Variants in C4orf17 observed in about 807,000 individuals in gnomAD.
The protein encoded by C4orf17 is uncharacterized protein C4orf17.
C4orf17 carries 25 observed loss-of-function variants against 32.0 expected under a neutral mutation model. The ratio of observed to expected loss-of-function variants is 0.78; its 90% CI spans 0.57 to 1.09. The LOEUF is 1.09. Among genes scored for constraint, C4orf17 ranks in the 50% least tolerant of loss-of-function variants. C4orf17 has a pLI of 0.00. For missense variants in C4orf17, 420 were observed against 420.0 expected, an observed-to-expected ratio of 1.00 and a Z score of 0.00; for synonymous variants, 149 against 145.8, an observed-to-expected ratio of 1.02 and a Z score of -0.16.
intron 3 of C4orf17, among the ~76,000 whole-genome samples, chr4:99,524,032 T>C (rs981730679): frequency 6.9e-6 from 1 of 145,504 alleles, no homozygotes; most frequent in Non-Finnish European, 1.5e-5. Context: ...CAGCCTGGAG[T>C]GCAGTGGTGC....
Position 99,524,567 on chromosome 4 carries a change from T to G in C4orf17, c.384T>G (p.Asn128Lys), listed in dbSNP as rs201281305. 8.7e-6 allele frequency: 14 copies of G among 1,602,026 alleles called. 1 individual carries two copies. The highest frequency in any genetic ancestry group is 1.2e-5 in the Non-Finnish European group (14 of 1,170,626). The change falls in exon 4 of 9, where the codon AAT becomes AAG. Residue 128 changes from asparagine (N) to lysine (K), a missense_variant. Coordinates refer to ENST00000326581, the MANE Select transcript of C4orf17 (RefSeq NM_032149.3). ...IKECFKTSSE[N>K]PLVIKKEEIK... The stretch of plus-strand genomic sequence containing the variant: ...AGTGCTTCAAAACTTCCAGTGAGAA[T>G]CCCTTAGTAATTAAAAAGGTAAGGA...
At chr4:99,514,850 C>T (rs1011263235) in intron 2 of C4orf17, among the ~76,000 whole-genome samples, 1 of 152,126 alleles carries the variant, frequency 6.6e-6, no homozygotes, top group African/African-American at 2.4e-5. Flanking sequence ...GATATGGAAC[C>T]AACCTAAGTG....
intron 5 of C4orf17, chr4:99,535,960 A>AGT: frequency 2.2e-6 from 1 of 448,932 alleles, no homozygotes. Flanking sequence ...TTTTCTTCTA[A>AGT]CAGGCCACTC....
chr4:99,512,530 C>T (rs543093844), intron 1 of C4orf17, among the ~76,000 whole-genome samples: 9 of 151,902 alleles, frequency 5.9e-5, no homozygotes, highest in African/African-American at 9.7e-5. Flanking sequence ...CCATTCTCTC[C>T]GAAGATGATA....
intron 2 of C4orf17, among the ~76,000 whole-genome samples, chr4:99,520,694 A>G (rs1277915457): frequency 6.6e-6 from 1 of 152,232 alleles, no homozygotes; most frequent in Non-Finnish European, 1.5e-5. Flanking sequence ...CTGCCTTAGA[A>G]ATCTAGCAAA....
At chr4:99,534,319 T>C (rs1232212730) in intron 5 of C4orf17, among the ~76,000 whole-genome samples, 1 of 152,226 alleles carries the variant, frequency 6.6e-6, no homozygotes, top group Non-Finnish European at 1.5e-5. Flanking sequence ...ATGATCTTTT[T>C]TCATGGCTGC....
At chr4:99,536,614 C>T (rs539160505) in intron 5 of C4orf17, among the ~76,000 whole-genome samples, 66 of 152,298 alleles carry the variant, frequency 4.3e-4, no homozygotes, top group African/African-American at 1.5e-3. Context: ...CACAGATATG[C>T]TGGCTGCCCC....
At chr4:99,533,270 A>G (rs1415715908) in intron 5 of C4orf17, among the ~76,000 whole-genome samples, 1 of 152,148 alleles carries the variant, frequency 6.6e-6, no homozygotes, top group South Asian at 2.1e-4. Context: ...ATTTGGGGAG[A>G]TAAGGGGTGA....
chr4:99,522,665 C>T lies in C4orf17; in HGVS notation c.293C>T (p.Ser98Leu), dbSNP rs774774436. Residue 98 changes from serine to leucine, a missense_variant, in exon 3 of 9, where the codon TCG becomes TTG. Ser to Leu is a moderately radical substitution (Grantham distance 145). Transcript: ENST00000326581. ...AVQESPVRGM[S>L]PAPNGAKVPP... ...CAGGAGAGCCCTGTAAGAGGAATGT[C>T]GCCAGCCCCAAACGGTGCCAAAGTG... 6.2e-6 allele frequency: 10 copies of T among 1,613,988 alleles called. No homozygotes were observed. In the Middle Eastern group the frequency reaches 6.7e-4, roughly 107 times the overall value.
At chr4:99,527,076 C>T (rs908379907) in intron 4 of C4orf17, among the ~76,000 whole-genome samples, 1 of 152,062 alleles carries the variant, frequency 6.6e-6, no homozygotes, top group African/African-American at 2.4e-5. Context: ...CTGCATCCCC[C>T]AATTTTACTG....
intron 5 of C4orf17, among the ~76,000 whole-genome samples, chr4:99,536,347 C>T (rs1032723134): frequency 3.3e-5 from 5 of 152,174 alleles, no homozygotes; most frequent in Non-Finnish European, 7.4e-5. Flanking sequence ...AATGCAGAGA[C>T]AACAGCTGCC....
intron 7 of C4orf17, among the ~76,000 whole-genome samples, chr4:99,539,644 G>T (rs1321631898): frequency 1.3e-5 from 2 of 152,128 alleles, no homozygotes. Flanking sequence ...TAAGGGAAAA[G>T]CAAGAGTGGC....
chr4:99,522,594 C>G lies in C4orf17; in HGVS notation c.222C>G (p.Asn74Lys). 6.2e-7 allele frequency: 1 copy of G among 1,613,806 alleles called. No individual in the cohort carries two copies. The highest frequency in any genetic ancestry group is 2.2e-5 in the East Asian group (1 of 44,854). The change falls in exon 3 of 9, where the codon AAC becomes AAG. Residue 74 changes from asparagine to lysine, a missense_variant. Asn to Lys is a moderately conservative substitution (Grantham distance 94, BLOSUM62 0). Coordinates refer to ENST00000326581, the MANE Select transcript of C4orf17 (RefSeq NM_032149.3). ...GVGQSNYLEK[N>K]RIPFANCSYP... ...GCCAGTCTAACTACTTAGAGAAGAA[C>G]AGGATACCATTTGCCAATTGCAGTT...
At chr4:99,512,228 AT>A (rs1317421432) in intron 1 of C4orf17, among the ~76,000 whole-genome samples, 69 of 152,352 alleles carry the variant, frequency 4.5e-4, no homozygotes, top group African/African-American at 1.7e-3. Flanking sequence ...GATAGAAAAA[AT>A]ACAACAAGCA....
chr4:99,515,930 T>A (rs1723173561), intron 2 of C4orf17, among the ~76,000 whole-genome samples: 1 of 152,244 alleles, frequency 6.6e-6, no homozygotes, highest in Admixed American at 6.5e-5. Flanking sequence ...CCTGCTATGA[T>A]CTTGGCAGCA....
chr4:99,513,085 A>T lies in C4orf17; in HGVS notation c.4A>T (p.Asn2Tyr). MNLNPPTSALQI... is the reference protein window; with the variant it reads MYLNPPTSALQI... Reference sequence around the variant, plus strand: ...GGAAAATAAACACACCACAAACATGAACCTCAACCCCCCGACATCTGCTCT... The same window carrying T: ...GGAAAATAAACACACCACAAACATGTACCTCAACCCCCCGACATCTGCTCT... The change falls in exon 2 of 9, where the codon AAC becomes TAC. Residue 2 changes from asparagine (N) to tyrosine (Y), a missense_variant. By Grantham distance (143) the Asn-to-Tyr change is moderately radical. Coordinates refer to ENST00000326581, the MANE Select transcript of C4orf17 (RefSeq NM_032149.3). 6.2e-7 allele frequency: 1 copy of T among 1,613,776 alleles called. No individual in the cohort carries two copies. The highest frequency in any genetic ancestry group is 1.7e-4 in the Middle Eastern group (1 of 6,050).
intron 6 of C4orf17, among the ~76,000 whole-genome samples, chr4:99,538,441 T>C (rs1723594949): frequency 2.0e-5 from 3 of 152,204 alleles, no homozygotes; most frequent in Admixed American, 2.0e-4. Flanking sequence ...TGAGAATCAC[T>C]GCACTGATCA....
intron 5 of C4orf17, among the ~76,000 whole-genome samples, chr4:99,532,602 ACTATTTGC>A (rs1371143969): frequency 2.0e-5 from 3 of 152,164 alleles, no homozygotes; most frequent in African/African-American, 7.2e-5. Context: ...AACTCTGTTC[ACTATTTGC>A]GTGATGGAGT....
At chr4:99,530,610 T>C (rs907132626) in intron 5 of C4orf17, among the ~76,000 whole-genome samples, 8 of 152,082 alleles carry the variant, frequency 5.3e-5, no homozygotes, top group Non-Finnish European at 1.2e-4. Context: ...GGTTAGAAGA[T>C]TGTAATGATG....
Sources: gnomAD v4.1 joint callset for allele counts (sites outside exome capture counted in the v4.1 genomes callset) on GRCh38, gnomAD v4.1.1 for gene constraint, MANE v1.5 for transcripts, NCBI Gene and HGNC (gene_info 2026-07-23, HGNC 2026-07-21) for gene names.